The following MIGA1 variants were observed in gnomAD, a reference collection of about 807,000 sequenced individuals.
The protein encoded by MIGA1 is mitoguardin 1, also known as family with sequence similarity 73, member A.
In MIGA1, 58 loss-of-function variants were observed where a neutral mutation model predicts 82.0. That is an observed-to-expected ratio of 0.71 (90% CI 0.57 to 0.88). The LOEUF (loss-of-function observed/expected upper bound fraction) is 0.88. Among genes scored for constraint, MIGA1 ranks in the 40% least tolerant of loss-of-function variants. The pLI, the probability that MIGA1 is intolerant of heterozygous loss-of-function variation, is 0.00. For synonymous variants in MIGA1, 249 were observed against 253.6 expected (o/e 0.98, Z 0.17); for missense variants, 751 against 749.1 (o/e 1.00, Z -0.03).
At chr1:77,830,236 G>A (rs550777014) in intron 7 of MIGA1, among the ~76,000 whole-genome samples, 12 of 152,158 alleles carry the variant, frequency 7.9e-5, no homozygotes, top group African/African-American at 2.4e-4. Flanking sequence ...TGTGAACATG[G>A]TATGGTTCTT....
At chr1:77,827,804 A>T (rs1684089331) in intron 7 of MIGA1, among the ~76,000 whole-genome samples, 1 of 152,154 alleles carries the variant, frequency 6.6e-6, no homozygotes, top group South Asian at 2.1e-4. Flanking sequence ...GGGGAGGAGC[A>T]ATTGAAGAGG....
At chr1:77,795,011 C>CG (rs1333617419) in intron 2 of MIGA1, among the ~76,000 whole-genome samples, 1 of 150,982 alleles carries the variant, frequency 6.6e-6, no homozygotes. Flanking sequence ...TTGCCCAGGC[C>CG]GGAGTGCAGT....
At chr1:77,865,690 T>A (rs1253509766) in intron 13 of MIGA1, among the ~76,000 whole-genome samples, 1 of 152,160 alleles carries the variant, frequency 6.6e-6, no homozygotes, top group East Asian at 1.9e-4. Flanking sequence ...TTTTTTCCCT[T>A]AAGGAACAGA....
At chr1:77,805,553 G>T (rs1683066766) in intron 4 of MIGA1, among the ~76,000 whole-genome samples, 1 of 121,960 alleles carries the variant, frequency 8.2e-6, no homozygotes. Context: ...TTTTTGAGAT[G>T]GAATCTCACT....
chr1:77,871,557 A>G (rs1184906831), intron 14 of MIGA1, among the ~76,000 whole-genome samples: 2 of 152,148 alleles, frequency 1.3e-5, no homozygotes, highest in African/African-American at 4.8e-5. Context: ...GAGACTGTAA[A>G]ATAGAAAATA....
At chr1:77,822,085 A>G (rs1485556590) in intron 7 of MIGA1, among the ~76,000 whole-genome samples, 1 of 152,156 alleles carries the variant, frequency 6.6e-6, no homozygotes, top group African/African-American at 2.4e-5. Context: ...GGTGGTAGAT[A>G]CATTAATTAG....
Position 77,800,262 on chromosome 1 carries a change from G to GCA in MIGA1, c.196-1067_196-1066dup, listed in dbSNP as rs150585808. Among the ~76,000 whole-genome samples, 164 of 152,264 alleles carry GCA rather than the reference G, an allele frequency of 1.1e-3. 1 individual carries two copies. The Middle Eastern group carries it at 0.027, about 25-fold the overall frequency. On this transcript the variant is annotated intron_variant, in intron 2 of 15. Transcript: ENST00000370791. ...GGTGTGGATTTCACCTACATTTGCA[G>GCA]CACCTCTCTCCAGCCTCTCAACAGT...
At chr1:77,807,585 C>T (rs992346738) in intron 5 of MIGA1, among the ~76,000 whole-genome samples, 1 of 152,112 alleles carries the variant, frequency 6.6e-6, no homozygotes, top group Non-Finnish European at 1.5e-5. Context: ...ACTAATACAA[C>T]AAAATTAAAA....
At chr1:77,844,022 G>A (rs1214370486) in intron 8 of MIGA1, among the ~76,000 whole-genome samples, 3 of 149,450 alleles carry the variant, frequency 2.0e-5, no homozygotes, top group Non-Finnish European at 1.5e-5. Flanking sequence ...GATCCCTTAA[G>A]CCCAAGAGGT....
chr1:77,816,695 T>C (rs1224429841), intron 7 of MIGA1, among the ~76,000 whole-genome samples: 1 of 152,136 alleles, frequency 6.6e-6, no homozygotes, highest in African/African-American at 2.4e-5. Context: ...GAGATTACAG[T>C]CTAGAAAAAA....
intron 5 of MIGA1, among the ~76,000 whole-genome samples, chr1:77,807,981 G>T (rs1335143545): frequency 6.6e-6 from 1 of 151,904 alleles, no homozygotes; most frequent in Non-Finnish European, 1.5e-5. Context: ...ACCACCCCTG[G>T]CTAATTTTTT....
rs925133717 is a variant in MIGA1, at chr1:77,848,618, G to A, written c.996+5211G>A. 5 of 1,488,852 alleles carry A rather than the reference G, an allele frequency of 3.4e-6. No individual in the cohort carries two copies. In the Admixed American group the frequency reaches 5.3e-5, roughly 16 times the overall value. The allele number at this position is 1,488,852 out of a possible 1,614,324, so 92.2% of individuals were successfully genotyped here. The stretch of plus-strand genomic sequence containing the variant: ...CCCTCTAATTCTGAATCATCACTGG[G>A]AGCAAAACACAGACTCACAGAAAGG... On this transcript the variant is annotated intron_variant, in intron 8 of 15. Transcript: ENST00000370791.
intron 7 of MIGA1, among the ~76,000 whole-genome samples, chr1:77,819,060 A>G: frequency 6.7e-6 from 1 of 150,112 alleles, no homozygotes; most frequent in East Asian, 2.0e-4. Context: ...AGTCTGGGCG[A>G]TAAGAGCAAA....
chr1:77,858,014 T>TA (rs1386799872), intron 8 of MIGA1, among the ~76,000 whole-genome samples: 5 of 152,254 alleles, frequency 3.3e-5, no homozygotes, highest in Admixed American at 3.3e-4. Flanking sequence ...CTCCTCTTTT[T>TA]AAAAAATGCT....
intron 8 of MIGA1, among the ~76,000 whole-genome samples, chr1:77,850,243 G>A (rs1360296438): frequency 2.6e-5 from 4 of 152,144 alleles, no homozygotes; most frequent in Non-Finnish European, 4.4e-5. Flanking sequence ...GAGAGGGCAA[G>A]GTGGAAGTGA....
chr1:77,794,795 T>G (rs546956259), intron 2 of MIGA1, among the ~76,000 whole-genome samples: 43 of 152,218 alleles, frequency 2.8e-4, no homozygotes, highest in African/African-American at 1.0e-3. Context: ...AGCGAGACCC[T>G]GTCTTTTGAA....
intron 13 of MIGA1, among the ~76,000 whole-genome samples, chr1:77,865,356 C>T (rs112992637): frequency 1.3e-3 from 194 of 152,008 alleles, no homozygotes; most frequent in Middle Eastern, 3.4e-3. Context: ...TTTGGAAGGC[C>T]GAAGCAGGCC....
At chr1:77,794,276 T>TTAAA (rs900744127) in intron 2 of MIGA1, among the ~76,000 whole-genome samples, 2 of 152,138 alleles carry the variant, frequency 1.3e-5, no homozygotes, top group African/African-American at 4.8e-5. Flanking sequence ...CACTATAGAC[T>TTAAA]TTATTTAGGT....
chr1:77,793,622 G>A (rs1424649574), intron 2 of MIGA1, among the ~76,000 whole-genome samples: 1 of 148,804 alleles, frequency 6.7e-6, no homozygotes, highest in African/African-American at 2.5e-5. Context: ...ACCATGCCCA[G>A]CTAATTTTTT....
Sources: gnomAD v4.1 joint callset for allele counts (sites outside exome capture counted in the v4.1 genomes callset) on GRCh38, gnomAD v4.1.1 for gene constraint, MANE v1.5 for transcripts, NCBI Gene and HGNC (gene_info 2026-07-23, HGNC 2026-07-21) for gene names.